MLC1: variants seen among roughly 807,000 people sequenced by gnomAD.
MLC1 encodes modulator of VRAC current 1.
MLC1 carries 32 observed loss-of-function variants against 44.7 expected under a neutral mutation model. The ratio of observed to expected loss-of-function variants is 0.72; its 90% confidence interval spans 0.54 to 0.96. The LOEUF is 0.96. MLC1 is among the 40% of genes least tolerant of loss of function. The probability of loss-of-function intolerance (pLI) is 0.00; values close to 1 mark genes in which losing one functional copy is unlikely to be tolerated. For missense variants in MLC1, 459 were observed against 492.2 expected (o/e 0.93, Z 0.64); for synonymous variants, 190 against 213.0 (o/e 0.89, Z 0.94).
At chr22:50,084,356 C>A (rs184470257) in intron 2 of MLC1, among the ~76,000 whole-genome samples, 6 of 152,154 alleles carry the variant, frequency 3.9e-5, no homozygotes, top group Admixed American at 6.5e-5. Context: ...CTGTGAGGGC[C>A]GACCTGAAGG....
chr22:50,068,766 C>T (rs1188906168), intron 9 of MLC1, among the ~76,000 whole-genome samples: 3 of 131,720 alleles, frequency 2.3e-5, no homozygotes, highest in Admixed American at 8.5e-5. Flanking sequence ...CTCGCTGTGT[C>T]GCCAGGCTGG....
chr22:50,085,216 C>T (rs1003443697), intron 1 of MLC1, 139 bp downstream of exon 1: 2 of 1,256,108 alleles, frequency 1.6e-6, no homozygotes, highest in African/African-American at 3.1e-5. Context: ...AGGTGCAACA[C>T]CTGACAACAT....
chr22:50,081,763 C>A (rs2062148128), intron 3 of MLC1, among the ~76,000 whole-genome samples: 1 of 152,238 alleles, frequency 6.6e-6, no homozygotes, highest in African/African-American at 2.4e-5. Context: ...GCCACGAGGG[C>A]CCAGGGTAGA....
At chr22:50,066,341 A>G (rs1056768218) in intron 10 of MLC1, among the ~76,000 whole-genome samples, 1 of 151,572 alleles carries the variant, frequency 6.6e-6, no homozygotes, top group African/African-American at 2.4e-5. Context: ...TCTGAAAAAT[A>G]AAATAAATAA....
rs2061929583 is a variant in MLC1 at position 50,074,340 on chromosome 22, G to A, written c.598-8C>T. ...TGCGATTACCTCGACGACCTGGAGG[G>A]GACAGGACAGCATCGGCTCATAAGG... is the stretch of plus-strand genomic sequence containing the variant. On this transcript the variant is annotated splice_polypyrimidine_tract_variant and splice_region_variant and intron_variant, in intron 7 of 11. Transcript: ENST00000311597. The A allele has an allele frequency of 6.2e-7, 1 of 1,606,424 alleles. No homozygotes were observed. Among genetic ancestry groups the A allele is most frequent in the Non-Finnish European group, 8.5e-7 (1 of 1,173,156 alleles).
Position 50,083,022 on chromosome 22 carries a change from A to C in MLC1, c.267+62T>G. ...CAGAAACCTGCACATCTCAGAACAA[A>C]GAAACCAGAGCACGTGCCGGCGAGC... On this transcript the variant is annotated intron_variant, in intron 3 of 11. Coordinates refer to ENST00000311597, the MANE Select transcript of MLC1 (RefSeq NM_015166.4). The surrounding 1 kb of genome is among the most constrained non-coding windows in gnomAD (Gnocchi z 4.6). 1 of 1,513,248 alleles carries C rather than the reference A, an allele frequency of 6.6e-7. No homozygotes were observed. The highest frequency in any genetic ancestry group is 1.7e-5 in the Admixed American group (1 of 59,892). The allele number at this position is 1,513,248 out of a possible 1,614,324, so 93.7% of individuals were successfully genotyped here. A position where few individuals can be genotyped will look rare whatever the true frequency, so the allele number is the denominator to read the frequency against.
At chr22:50,085,332 C>T (rs942005678) in intron 1 of MLC1, 23 bp downstream of exon 1, 6 of 496,572 alleles carry the variant, frequency 1.2e-5, no homozygotes, top group South Asian at 6.4e-5. Context: ...CTCTACTCAA[C>T]GGCTTAATGT....
Position 50,061,578 on chromosome 22 carries a change from G to A in MLC1, c.*5C>T. The A allele has an allele frequency of 6.2e-7, 1 of 1,613,320 alleles. No individual in the cohort carries two copies. The highest frequency in any genetic ancestry group is 8.5e-7 in the Non-Finnish European group (1 of 1,179,762). ...GCGCTGCCACCCGGTTTCCGCGTCT[G>A]GGGGTCACTGGGCCATTTGCACCAC... On this transcript the variant is annotated 3_prime_UTR_variant, in exon 12 of 12. Coordinates refer to ENST00000311597, the MANE Select transcript of MLC1 (RefSeq NM_015166.4).
intron 8 of MLC1, 62 bp downstream of exon 8, chr22:50,074,154 C>G: frequency 7.1e-7 from 1 of 1,401,502 alleles, no homozygotes; most frequent in Non-Finnish European, 1.0e-6. Context: ...CGGGGCCCAG[C>G]CACGCAGGAT....
At chr22:50,070,893 T>A (rs549272101) in intron 8 of MLC1, among the ~76,000 whole-genome samples, 1 of 152,274 alleles carries the variant, frequency 6.6e-6, no homozygotes, top group East Asian at 1.9e-4. Flanking sequence ...CCAGAGTCCT[T>A]GACATTCATA....
At chr22:50,070,697 G>GT in intron 8 of MLC1, 114 bp from the exon 9 acceptor site, 1 of 1,167,940 alleles carries the variant, frequency 8.6e-7, no homozygotes, top group Admixed American at 2.0e-5. Context: ...CTGGCTTGCT[G>GT]TGGGGGGCAG....
intron 10 of MLC1, among the ~76,000 whole-genome samples, chr22:50,064,548 C>T (rs556845190): frequency 7.2e-5 from 11 of 152,240 alleles, no homozygotes; most frequent in African/African-American, 2.2e-4. Flanking sequence ...AGAGAATGTC[C>T]GCGGGAGGCA....
At position 50,064,216 on chromosome 22, in the gene MLC1, T is replaced by G. The variant is rs746803825; in HGVS notation, c.895-18A>C. 73 of 1,581,296 alleles carry G rather than the reference T, an allele frequency of 4.6e-5. 1 individual carries two copies. In the South Asian group the frequency reaches 7.8e-4, roughly 17 times the overall value. On this transcript the variant is annotated intron_variant, in intron 10 of 11. Coordinates refer to ENST00000311597, the MANE Select transcript of MLC1 (RefSeq NM_015166.4). ...TAGGATGGCTGCAGGCGGAAGGAGGTGTGAGCAGAGTGGCCCAGCCGCCCT... is the reference window on the plus strand; with the variant it reads ...TAGGATGGCTGCAGGCGGAAGGAGGGGTGAGCAGAGTGGCCCAGCCGCCCT...
At chr22:50,085,289 A>G (rs1287095263) in intron 1 of MLC1, 66 bp downstream of exon 1, 7 of 923,588 alleles carry the variant, frequency 7.6e-6, no homozygotes, top group Admixed American at 4.2e-5. Flanking sequence ...AACTGCTCCA[A>G]TTGGTAGCTA....
chr22:50,084,302 C>T (rs1452639709), intron 2 of MLC1, among the ~76,000 whole-genome samples: 2 of 152,186 alleles, frequency 1.3e-5, no homozygotes, highest in African/African-American at 2.4e-5. Flanking sequence ...TCCCAGCCGG[C>T]CCCTGAGGCC....
intron 5 of MLC1, among the ~76,000 whole-genome samples, chr22:50,079,586 C>T (rs779602168): frequency 6.8e-6 from 1 of 146,914 alleles, no homozygotes; most frequent in Non-Finnish European, 1.5e-5. Context: ...GCTCCCACAA[C>T]CTCTGCCCCC....
chr22:50,068,313 T>C, intron 10 of MLC1, 120 bp downstream of exon 10: 1 of 1,402,648 alleles, frequency 7.1e-7, no homozygotes, highest in South Asian at 1.2e-5. Flanking sequence ...GCGGAGGAGG[T>C]GCCTCCTGGA....
At chr22:50,068,132 G>A (rs553713470) in intron 10 of MLC1, among the ~76,000 whole-genome samples, 3 of 152,300 alleles carry the variant, frequency 2.0e-5, no homozygotes, top group East Asian at 3.9e-4. Flanking sequence ...ATGCAAATCC[G>A]AAAAGCATGT....
At chr22:50,066,587 G>A (rs559909853) in intron 10 of MLC1, among the ~76,000 whole-genome samples, 1 of 151,992 alleles carries the variant, frequency 6.6e-6, no homozygotes, top group Non-Finnish European at 1.5e-5. Flanking sequence ...TTGAACCCAG[G>A]AGGCAGAGGT....
Sources: gnomAD v4.1 joint callset for allele counts (sites outside exome capture counted in the v4.1 genomes callset) on GRCh38, gnomAD v4.1.1 for gene constraint, Gnocchi (gnomAD v3.1) non-coding constraint, MANE v1.5 for transcripts, NCBI Gene and HGNC (gene_info 2026-07-23, HGNC 2026-07-21) for gene names.